KCTD15: variants seen among roughly 807,000 people sequenced by gnomAD.
KCTD15 encodes the protein BTB/POZ domain-containing protein KCTD15.
Under a neutral mutation model 27.2 loss-of-function variants are expected in KCTD15, and 11 were observed. The observed-to-expected ratio is 0.41, with a 90% CI of 0.25 to 0.67. KCTD15 has a LOEUF of 0.67. Among genes scored for constraint, KCTD15 ranks in the 30% least tolerant of loss-of-function variants. KCTD15 has a pLI of 0.35. For synonymous variants in KCTD15, 163 were observed against 176.0 expected, an observed-to-expected ratio of 0.93 and a Z score of 0.58; for missense variants, 350 against 409.3, an observed-to-expected ratio of 0.86 and a Z score of 1.25.
chr19:33,805,865 TG>T (rs1975694049), intron 4 of KCTD15, among the ~76,000 whole-genome samples: 1 of 152,228 alleles, frequency 6.6e-6, no homozygotes, highest in Admixed American at 6.5e-5. Flanking sequence ...GTATCAGCCC[TG>T]GCTCTGAGGC....
intron 5 of KCTD15, among the ~76,000 whole-genome samples, chr19:33,807,446 T>C (rs995496268): frequency 6.6e-6 from 1 of 150,938 alleles, no homozygotes; most frequent in Non-Finnish European, 1.5e-5. Context: ...AAATTAGGCC[T>C]GGAGCGGTGG....
intron 5 of KCTD15, among the ~76,000 whole-genome samples, chr19:33,808,861 C>A (rs1455768761): frequency 6.6e-6 from 1 of 152,146 alleles, no homozygotes; most frequent in African/African-American, 2.4e-5. Flanking sequence ...TTAGTACAGG[C>A]ACAGTGGCTC....
chr19:33,803,186 C>T (rs563839092), intron 4 of KCTD15, among the ~76,000 whole-genome samples: 22 of 152,328 alleles, frequency 1.4e-4, no homozygotes, highest in African/African-American at 5.1e-4. Flanking sequence ...TGGGGGTGCT[C>T]TGTAGGCCTG....
Position 33,813,020 on chromosome 19 carries a change from A to G in KCTD15, c.*72A>G. 1 of 1,447,668 alleles carries G rather than the reference A, an allele frequency of 6.9e-7. No individual in the cohort carries two copies. Among genetic ancestry groups the G allele is most frequent in the Non-Finnish European group, 9.4e-7 (1 of 1,068,950 alleles). 89.7% of individuals were successfully genotyped at this position (1,447,668 alleles called of 1,614,324 possible). On this transcript the variant is annotated 3_prime_UTR_variant, in exon 7 of 7. Coordinates refer to ENST00000683859, the MANE Select transcript of KCTD15 (RefSeq NM_001129994.2). ...GTGCTGGGGAGTTCTGCCTGTGTAT[A>G]CTTGGCCGTGGGCATGAGACCGAGG...
rs72186145 is a variant in KCTD15, at chr19:33,810,675, CAAAAAAA to C, written c.388-566_388-560del. On this transcript the variant is annotated intron_variant, in intron 5 of 6. Transcript: ENST00000683859. ...GAGAGTCTGTCTCAAAAAACAAAAA[CAAAAAAA>C]AAAAACAAAAAAAAACGAAAAAAAA... 2.2e-4 allele frequency among the ~76,000 whole-genome samples: 26 copies of C among 120,706 alleles called. 1 individual carries two copies. The highest frequency in any genetic ancestry group is 2.6e-4 in the South Asian group (1 of 3,866). 79.2% of individuals were successfully genotyped at this position (120,706 alleles called of 152,430 possible).
At chr19:33,806,547 G>T (rs930786767) in intron 4 of KCTD15, among the ~76,000 whole-genome samples, 1 of 152,138 alleles carries the variant, frequency 6.6e-6, no homozygotes, top group African/African-American at 2.4e-5. Context: ...AGGGGGTAAG[G>T]TGCCTGTGTC....
At position 33,813,487 on chromosome 19, in the gene KCTD15, C is replaced by T. The variant is rs1975999467; in HGVS notation, c.*539C>T. The T allele has an allele frequency of 2.3e-6, 1 of 436,322 alleles. No individual in the cohort carries two copies. The highest frequency in any genetic ancestry group is 2.5e-5 in the Admixed American group (1 of 40,210). 27.0% of individuals were successfully genotyped at this position (436,322 alleles called of 1,614,324 possible). A position where few individuals can be genotyped will look rare whatever the true frequency, so the allele number is the denominator to read the frequency against. On this transcript the variant is annotated 3_prime_UTR_variant, in exon 7 of 7. Transcript: ENST00000683859. ...GCATGGCTGCAGGGTGGACCAGCTG[C>T]CTGGCATTCAGGCCCAGATGCCTGC... is the stretch of plus-strand genomic sequence containing the variant.
chr19:33,808,673 T>C (rs1975787670), intron 5 of KCTD15, among the ~76,000 whole-genome samples: 2 of 148,612 alleles, frequency 1.3e-5, no homozygotes, highest in Admixed American at 1.4e-4. Flanking sequence ...GATCTGCAAA[T>C]TGGGAAGATC....
At chr19:33,801,427 C>A in intron 4 of KCTD15, 85 bp downstream of exon 4, 1 of 1,216,574 alleles carries the variant, frequency 8.2e-7, no homozygotes, top group Non-Finnish European at 1.1e-6. Context: ...GGGTCTCTCC[C>A]CACTGTCACT....
At chr19:33,801,146 C>T in intron 3 of KCTD15, 21 bp from the exon 4 acceptor site, 2 of 1,568,516 alleles carry the variant, frequency 1.3e-6, no homozygotes, top group Non-Finnish European at 1.7e-6. Flanking sequence ...CTCTTGTGTT[C>T]CGCTTTGTTT....
At chr19:33,797,395 T>C (rs1975371937) in intron 1 of KCTD15, 2 of 455,316 alleles carry the variant, frequency 4.4e-6, no homozygotes, top group African/African-American at 2.0e-5. Flanking sequence ...CTCACGCAAC[T>C]GGGGCTTCGG....
At chr19:33,805,772 T>C (rs1422207810) in intron 4 of KCTD15, among the ~76,000 whole-genome samples, 1 of 152,144 alleles carries the variant, frequency 6.6e-6, no homozygotes, top group Non-Finnish European at 1.5e-5. Context: ...CTCTTTAGGG[T>C]TCCTAGTTAT....
At chr19:33,804,508 A>AG (rs5827870) in intron 4 of KCTD15, among the ~76,000 whole-genome samples, 152,236 of 152,240 alleles carry the variant, frequency 1, 76,116 homozygotes, top group Middle Eastern at 1. Context: ...GAGAGTTCCC[A>AG]GGAGGCTGAG....
Position 33,813,286 on chromosome 19 carries a change from G to A in KCTD15, c.*338G>A, listed in dbSNP as rs1441999242. ...GGAAGAGCCGTCTGCAGCTACTTCA[G>A]AGGAGCTGTTTATCCCTCTCCACGC... On this transcript the variant is annotated 3_prime_UTR_variant, in exon 7 of 7. Transcript: ENST00000683859. 1.7e-6 allele frequency: 1 copy of A among 578,516 alleles called. No individual in the cohort carries two copies. The highest frequency in any genetic ancestry group is 3.3e-6 in the Non-Finnish European group (1 of 306,604). 35.8% of individuals were successfully genotyped at this position (578,516 alleles called of 1,614,324 possible).
intron 1 of KCTD15, among the ~76,000 whole-genome samples, chr19:33,797,875 C>G (rs1975394167): frequency 6.6e-6 from 1 of 152,200 alleles, no homozygotes; most frequent in Non-Finnish European, 1.5e-5. Flanking sequence ...CTTTTACGTC[C>G]TTAATTAGGC....
chr19:33,812,157 C>T lies in KCTD15; in HGVS notation c.693+605C>T, dbSNP rs577147402. 95 of 1,188,172 alleles carry T rather than the reference C, an allele frequency of 8.0e-5. No individual in the cohort carries two copies. In the East Asian group the frequency reaches 1.2e-3, roughly 15 times the overall value. The allele number at this position is 1,188,172 out of a possible 1,614,324, so 73.6% of individuals were successfully genotyped here. A position where few individuals can be genotyped will look rare whatever the true frequency, so the allele number is the denominator to read the frequency against. ...CCTGTGCACGCATTCCACAGCCTGT[C>T]GGTCAGAACTTGCTAGTTGCAGGAG... On this transcript the variant is annotated intron_variant, in intron 6 of 6. Transcript: ENST00000683859.
rs778170854 is a variant in KCTD15, at chr19:33,813,053, T to C, written c.*105T>C. On this transcript the variant is annotated 3_prime_UTR_variant, in exon 7 of 7. Coordinates refer to ENST00000683859, the MANE Select transcript of KCTD15 (RefSeq NM_001129994.2). ...GTGGGCATGAGACCGAGGGTGAGGC[T>C]GGAGGGTCCAAAGCTGGCCCAGCGA... 10 of 1,235,326 alleles carry C rather than the reference T, an allele frequency of 8.1e-6. No individual in the cohort carries two copies. In the East Asian group the frequency reaches 2.3e-4, roughly 28 times the overall value. 76.5% of individuals were successfully genotyped at this position (1,235,326 alleles called of 1,614,324 possible).
upstream of KCTD15, among the ~76,000 whole-genome samples, chr19:33,795,733 C>T (rs1259545679): frequency 6.6e-6 from 1 of 152,072 alleles, no homozygotes; most frequent in African/African-American, 2.4e-5. Flanking sequence ...GAGGAAGGGG[C>T]GGCCGAAGCG....
In KCTD15 at chr19:33,801,171, G is replaced by A. The variant is rs1481877914; in HGVS notation, c.71G>A (p.Gly24Glu). The change falls in exon 4 of 7, where the codon GGA becomes GAA. Residue 24 changes from glycine (G) to glutamate (E), a missense_variant. Gly to Glu is a moderately conservative substitution (Grantham distance 98, BLOSUM62 -2). Coordinates refer to ENST00000683859, the MANE Select transcript of KCTD15 (RefSeq NM_001129994.2). ...HTHGSTGTAEGGNMSRLSLTR... is the reference protein window; with the variant it reads ...HTHGSTGTAEEGNMSRLSLTR... ...CCGCTTTGTTTCCATCTCTAGGAGG[G>A]AGGAAACATGTCCCGGCTGTCTCTC... 1 of 1,600,266 alleles carries A rather than the reference G, an allele frequency of 6.2e-7. No individual in the cohort carries two copies. The highest frequency in any genetic ancestry group is 1.1e-5 in the South Asian group (1 of 89,618).
Sources: gnomAD v4.1 joint callset for allele counts (sites outside exome capture counted in the v4.1 genomes callset) on GRCh38, gnomAD v4.1.1 for gene constraint, MANE v1.5 for transcripts, NCBI Gene and HGNC (gene_info 2026-07-23, HGNC 2026-07-21) for gene names.